The following FRMD4B variants were observed in gnomAD, a reference collection of about 807,000 sequenced individuals.
The protein encoded by FRMD4B is FERM domain-containing protein 4B.
In FRMD4B, 74 loss-of-function variants were observed where a neutral mutation model predicts 141.5. The observed-to-expected ratio is 0.52, with a 90% CI of 0.43 to 0.63. The LOEUF (loss-of-function observed/expected upper bound fraction) is 0.63. FRMD4B is among the 30% of genes least tolerant of loss of function. FRMD4B has a pLI of 0.00. For missense variants in FRMD4B, 1,366 were observed against 1,253.4 expected (o/e 1.09, Z -1.36); for synonymous variants, 506 against 467.9 (o/e 1.08, Z -1.05).
At chr3:69,487,359 A>ATACATAAGGATCTTAAATATTAG (rs1239776487) in intron 1 of FRMD4B, among the ~76,000 whole-genome samples, 2 of 152,242 alleles carry the variant, frequency 1.3e-5, no homozygotes, top group Non-Finnish European at 2.9e-5. Flanking sequence ...GAAGGATCAG[A>ATACATAAGGATCTTAAATATTAG]TACATAAGGA....
chr3:69,248,065 T>TACAGGCGTGAGCCACCATGCCCGGCC, intron 7 of FRMD4B, among the ~76,000 whole-genome samples: 1 of 152,104 alleles, frequency 6.6e-6, no homozygotes, highest in South Asian at 2.1e-4. Context: ...GTGCTGGGAT[T>TACAGGCGTGAGCCACCATGCCCGGCC]ACAGGCGTGA....
At chr3:69,307,264 C>A (rs1701427809) in intron 3 of FRMD4B, among the ~76,000 whole-genome samples, 2 of 152,202 alleles carry the variant, frequency 1.3e-5, no homozygotes, top group South Asian at 4.1e-4. Context: ...CATTCTTCTC[C>A]CAGCGTAGTT....
chr3:69,316,084 A>G (rs1701795887), intron 1 of FRMD4B, among the ~76,000 whole-genome samples: 1 of 152,182 alleles, frequency 6.6e-6, no homozygotes, highest in Non-Finnish European at 1.5e-5. Flanking sequence ...GAAAAATACT[A>G]ATTATTGAAT....
At chr3:69,467,960 G>T (rs1705822800) in intron 1 of FRMD4B, among the ~76,000 whole-genome samples, 1 of 152,206 alleles carries the variant, frequency 6.6e-6, no homozygotes, top group South Asian at 2.1e-4. Context: ...TGGGCCTGAA[G>T]CTACCCTGAA....
intron 2 of FRMD4B, among the ~76,000 whole-genome samples, chr3:69,428,755 T>G (rs1471253891): frequency 2.0e-5 from 3 of 152,154 alleles, no homozygotes; most frequent in African/African-American, 7.2e-5. Flanking sequence ...TTAAGTACAT[T>G]CACATTGTTG....
chr3:69,498,172 A>T lies in FRMD4B; in HGVS notation c.-129+44034T>A, dbSNP rs1391045640. Among the ~76,000 whole-genome samples the T allele has an allele frequency of 3.9e-5, 6 of 152,296 alleles. No individual in the cohort carries two copies. In the East Asian group the frequency reaches 1.2e-3, roughly 29 times the overall value. On this transcript the variant is annotated intron_variant, in intron 1 of 5. Transcript: ENST00000459638. The stretch of plus-strand genomic sequence containing the variant: ...AATGAAAAGAGAACAATGCCTCCAG[A>T]GTTGGACCTCAAGTGAGAACTGAGG...
At chr3:69,313,676 G>A (rs944299222) in intron 1 of FRMD4B, among the ~76,000 whole-genome samples, 159 bp from the exon 2 acceptor site, 2 of 152,160 alleles carry the variant, frequency 1.3e-5, no homozygotes, top group Non-Finnish European at 2.9e-5. Context: ...TTATTATATG[G>A]GAGTAACTGG....
intron 7 of FRMD4B, among the ~76,000 whole-genome samples, chr3:69,231,554 C>T (rs1178519559): frequency 6.6e-6 from 1 of 152,250 alleles, no homozygotes; most frequent in East Asian, 1.9e-4. Context: ...TCCCAAAGTG[C>T]TGGGATTACA....
intron 5 of FRMD4B, among the ~76,000 whole-genome samples, chr3:69,273,077 T>G (rs538651268): frequency 6.6e-5 from 10 of 152,292 alleles, no homozygotes; most frequent in African/African-American, 2.4e-4. Flanking sequence ...TAATTTTAGC[T>G]CTAGGAAAAA....
At chr3:69,466,968 C>T (rs1301140194) in intron 1 of FRMD4B, among the ~76,000 whole-genome samples, 1 of 152,150 alleles carries the variant, frequency 6.6e-6, no homozygotes, top group East Asian at 1.9e-4. Context: ...TACCAAAGTG[C>T]TGGGATTACA....
Position 69,250,905 on chromosome 3 carries a change from T to C in FRMD4B, c.502-806A>G, listed in dbSNP as rs13066283. Reference sequence around the variant, plus strand: ...GAGTTTGAGACCAGCTTGGGCAACATAGAGAGACCTCATCTCTACCAAAAA... The same window carrying C: ...GAGTTTGAGACCAGCTTGGGCAACACAGAGAGACCTCATCTCTACCAAAAA... On this transcript the variant is annotated intron_variant, in intron 5 of 22. Transcript: ENST00000398540. Among the ~76,000 whole-genome samples the C allele has an allele frequency of 4.1e-3, 624 of 151,568 alleles. 2 individuals are homozygous for C. The highest frequency in any genetic ancestry group is 7.2e-3 in the Non-Finnish European group (489 of 67,952).
At chr3:69,412,174 C>T (rs1196190713) in intron 2 of FRMD4B, among the ~76,000 whole-genome samples, 2 of 152,156 alleles carry the variant, frequency 1.3e-5, no homozygotes, top group Non-Finnish European at 2.9e-5. Flanking sequence ...CAAGGTCTTC[C>T]AGTTGGTAGC....
At position 69,169,257 on chromosome 3, in the gene FRMD4B, G is replaced by A. The variant is rs368240214; in HGVS notation, c.*2604C>T. 1.0e-3 allele frequency among the ~76,000 whole-genome samples: 153 copies of A among 151,570 alleles called. 1 individual carries two copies. The highest frequency in any genetic ancestry group is 3.4e-3 in the African/African-American group (139 of 41,298). On this transcript the variant is annotated 3_prime_UTR_variant, in exon 23 of 23. Transcript: ENST00000398540. ...TCACTTTTGGCTTTTAATAAATAAC[G>A]TAGTTTAATTGGTTTAATACCAATG...
intron 7 of FRMD4B, among the ~76,000 whole-genome samples, chr3:69,244,022 G>A (rs1388177619): frequency 1.3e-5 from 2 of 152,124 alleles, no homozygotes; most frequent in African/African-American, 4.8e-5. Flanking sequence ...TCTAGCCTGG[G>A]CGACAGAGTG....
intron 5 of FRMD4B, among the ~76,000 whole-genome samples, chr3:69,268,965 G>A (rs1225156295): frequency 2.2e-5 from 3 of 136,870 alleles, no homozygotes; most frequent in African/African-American, 8.4e-5. Flanking sequence ...TTTCGCTCTT[G>A]TTGCCCAGGA....
chr3:69,202,198 C>T (rs376702013), intron 11 of FRMD4B, among the ~76,000 whole-genome samples: 8 of 151,518 alleles, frequency 5.3e-5, no homozygotes, highest in Non-Finnish European at 5.9e-5. Flanking sequence ...AGCGAAAATC[C>T]GTCTCAAAAA....
chr3:69,323,608 G>GTATGTATATATATA (rs1553723965), intron 1 of FRMD4B, among the ~76,000 whole-genome samples: 1 of 101,672 alleles, frequency 9.8e-6, no homozygotes, highest in African/African-American at 3.7e-5. Context: ...CTCTCTCTGT[G>GTATGTATATATATA]TATATATATA....
At chr3:69,404,544 CT>C (rs1186261625) in intron 2 of FRMD4B, among the ~76,000 whole-genome samples, 3 of 152,190 alleles carry the variant, frequency 2.0e-5, no homozygotes, top group Non-Finnish European at 4.4e-5. Flanking sequence ...CTCTATTTTA[CT>C]TTATTATTAT....
intron 1 of FRMD4B, among the ~76,000 whole-genome samples, chr3:69,455,984 G>A (rs1705601646): frequency 6.6e-6 from 1 of 152,056 alleles, no homozygotes; most frequent in Non-Finnish European, 1.5e-5. Flanking sequence ...GTTCCATTTT[G>A]CTTTGAGGCT....
Sources: allele counts gnomAD v4.1 joint callset (sites outside exome capture counted in the v4.1 genomes callset), GRCh38; gene constraint gnomAD v4.1.1; transcripts MANE v1.5; gene names NCBI Gene and HGNC (gene_info 2026-07-23, HGNC 2026-07-21).